Variants in OSBPL9 observed in about 807,000 individuals in gnomAD.
OSBPL9 encodes the protein oxysterol-binding protein-related protein 9.
OSBPL9 carries 40 observed loss-of-function variants against 106.6 expected under a neutral mutation model. The ratio of observed to expected loss-of-function variants is 0.38; its 90% CI spans 0.29 to 0.49. OSBPL9 has a LOEUF of 0.49. Ranked by LOEUF, OSBPL9 falls within the 20% of genes least tolerant of loss-of-function variation. OSBPL9 has a pLI of 0.97. For missense variants in OSBPL9, 609 were observed against 887.2 expected (o/e 0.69, Z 3.98); for synonymous variants, 269 against 295.4 (o/e 0.91, Z 0.92).
rs1672460352 is a variant in OSBPL9, at chr1:51,765,903, C to T, written c.860C>T (p.Ser287Phe). 6.2e-7 allele frequency: 1 copy of T among 1,614,086 alleles called. No homozygotes were observed. Among genetic ancestry groups the T allele is most frequent in the Non-Finnish European group, 8.5e-7 (1 of 1,179,984 alleles). Residue 287 changes from serine (S) to phenylalanine (F), a missense_variant, in exon 12 of 24, where the codon TCT (serine) becomes TTT (phenylalanine). This residue lies in a region of OSBPL9 where 356 missense variants were observed against 505.8 expected (regional missense o/e 0.70). Coordinates refer to ENST00000428468, the MANE Select transcript of OSBPL9 (RefSeq NM_024586.6). The part of the protein sequence containing the change: ...NLSPNTVPEF[S>F]YSSSEDEFYD... Reference sequence around the variant, plus strand: ...TCTCCAAATACAGTCCCAGAGTTCTCTTACTCCAGCAGTGAAGATGAATTT... The same window carrying T: ...TCTCCAAATACAGTCCCAGAGTTCTTTTACTCCAGCAGTGAAGATGAATTT...
In OSBPL9 at chr1:51,676,746, A is replaced by G. The variant is rs368946376; in HGVS notation, c.241+7234A>G. The stretch of plus-strand genomic sequence containing the variant: ...ATTTGTTAATTGGCTAGTTCAAACC[A>G]TTCCACAATGTATGTATACTTCAAA... On this transcript the variant is annotated intron_variant, in intron 3 of 23. Coordinates refer to ENST00000428468, the MANE Select transcript of OSBPL9 (RefSeq NM_024586.6). 5.9e-5 allele frequency among the ~76,000 whole-genome samples: 9 copies of G among 152,300 alleles called. No homozygotes were observed. In the South Asian group the frequency reaches 1.9e-3, roughly 32 times the overall value.
intron 1 of OSBPL9, among the ~76,000 whole-genome samples, chr1:51,625,877 A>G (rs773267439): frequency 2.0e-5 from 3 of 152,214 alleles, no homozygotes; most frequent in Non-Finnish European, 2.9e-5. Flanking sequence ...TACATGTTAC[A>G]TGGGATGATA....
intron 1 of OSBPL9, among the ~76,000 whole-genome samples, chr1:51,646,990 A>G (rs1225738912): frequency 6.6e-6 from 1 of 152,082 alleles, no homozygotes; most frequent in African/African-American, 2.4e-5. Flanking sequence ...AAGATAAGAC[A>G]TTTTTGTCTT....
chr1:51,542,090 G>A, the OSBPL9 span, among the ~76,000 whole-genome samples: 3 of 152,056 alleles, frequency 2.0e-5, no homozygotes, highest in East Asian at 1.9e-4. Flanking sequence ...GTTTCACCAC[G>A]TTGCCCAGGC....
intron 1 of OSBPL9, among the ~76,000 whole-genome samples, chr1:51,622,235 G>C (rs1167840147): frequency 1.3e-5 from 2 of 152,148 alleles, no homozygotes; most frequent in African/African-American, 4.8e-5. Flanking sequence ...ATAAAGATGT[G>C]TTACAGTCTG....
chr1:51,530,023 T>G, the OSBPL9 span, among the ~76,000 whole-genome samples: 22 of 151,164 alleles, frequency 1.5e-4, no homozygotes, highest in Non-Finnish European at 2.8e-4. Flanking sequence ...ACAGAAAAAT[T>G]AGCCAGGTGT....
rs189473854 is a variant in OSBPL9, at chr1:51,689,786, A to G, written c.241+20274A>G. ...TATAAAACAGCACTTCATTTACCCA[A>G]TTAGCCAAATTTGAAGCCTTCTGTT... is the stretch of plus-strand genomic sequence containing the variant. On this transcript the variant is annotated intron_variant, in intron 3 of 23. Coordinates refer to ENST00000428468, the MANE Select transcript of OSBPL9 (RefSeq NM_024586.6). Among the ~76,000 whole-genome samples the G allele has an allele frequency of 1.1e-4, 17 of 152,240 alleles. No homozygotes were observed. The East Asian group carries it at 2.3e-3, about 21-fold the overall frequency.
intron 4 of OSBPL9, among the ~76,000 whole-genome samples, chr1:51,718,298 AG>A (rs796265187): frequency 3.0e-4 from 46 of 152,300 alleles, no homozygotes; most frequent in African/African-American, 1.1e-3. Context: ...ATAACACAAC[AG>A]GGTGACTATA....
intron 9 of OSBPL9, among the ~76,000 whole-genome samples, chr1:51,757,973 T>C (rs1316898145): frequency 2.0e-5 from 3 of 152,132 alleles, no homozygotes; most frequent in African/African-American, 7.2e-5. Context: ...TCAAAACAGA[T>C]TAGGGCTGAG....
At chr1:51,537,280 C>T in the OSBPL9 span, among the ~76,000 whole-genome samples, 1 of 152,170 alleles carries the variant, frequency 6.6e-6, no homozygotes, top group Non-Finnish European at 1.5e-5. Context: ...TTCAAACTAG[C>T]TCCTGTGTCC....
chr1:51,654,194 G>A (rs1309710927), intron 2 of OSBPL9, among the ~76,000 whole-genome samples: 1 of 152,180 alleles, frequency 6.6e-6, no homozygotes, highest in Non-Finnish European at 1.5e-5. Context: ...TGGCAAGACT[G>A]TAGGTGGTGG....
In OSBPL9 at chr1:51,788,935, T is replaced by C. The variant is rs114768126; in HGVS notation, c.*1146T>C. Among the ~76,000 whole-genome samples the C allele has an allele frequency of 0.012, 1,896 of 152,262 alleles. 38 individuals are homozygous for C. The highest frequency in any genetic ancestry group is 0.044 in the African/African-American group (1,835 of 41,530). On this transcript the variant is annotated 3_prime_UTR_variant, in exon 24 of 24. Transcript: ENST00000428468. ...TTAGTTAGTTATTCAATATACTGGT[T>C]ACGTAAGGCCTTTCAAGAAGTAGAT... is the stretch of plus-strand genomic sequence containing the variant.
rs146808732 is a variant in OSBPL9 at position 51,724,279 on chromosome 1, C to T, written c.318+10200C>T. 3.9e-3 allele frequency among the ~76,000 whole-genome samples: 595 copies of T among 152,034 alleles called. 5 individuals carry two copies. The highest frequency in any genetic ancestry group is 0.01 in the Admixed American group (157 of 15,262). ...TACTTTAAAGAAATATTTCATTCCA[C>T]TTTTCTTTTTTTTCTTCTTTTTGAG... On this transcript the variant is annotated intron_variant, in intron 4 of 23. Transcript: ENST00000428468.
At chr1:51,669,606 C>A in intron 3 of OSBPL9, 94 bp downstream of exon 3, 2 of 1,174,046 alleles carry the variant, frequency 1.7e-6, no homozygotes, top group Non-Finnish European at 2.5e-6. Context: ...AATGGTTTTG[C>A]AACTGATCCT....
At chr1:51,755,558 T>C (rs1670160714) in intron 8 of OSBPL9, among the ~76,000 whole-genome samples, 1 of 152,202 alleles carries the variant, frequency 6.6e-6, no homozygotes, top group Non-Finnish European at 1.5e-5. Flanking sequence ...CTCACTATAC[T>C]GGGCAGTGGC....
chr1:51,574,283 G>T (rs561832391), upstream of OSBPL9, among the ~76,000 whole-genome samples: 33 of 152,218 alleles, frequency 2.2e-4, no homozygotes, highest in Admixed American at 1.8e-3. Flanking sequence ...CCTCCTCCAT[G>T]ACAATTAAGA....
intron 4 of OSBPL9, among the ~76,000 whole-genome samples, chr1:51,736,277 T>C (rs1239661145): frequency 6.6e-6 from 1 of 152,194 alleles, no homozygotes; most frequent in Admixed American, 6.5e-5. Context: ...GAAAACCGAA[T>C]CTGTTTTCTT....
At chr1:51,728,895 A>G (rs1467926526) in intron 4 of OSBPL9, among the ~76,000 whole-genome samples, 2 of 152,152 alleles carry the variant, frequency 1.3e-5, no homozygotes, top group Non-Finnish European at 2.9e-5. Context: ...ACATAAAAGT[A>G]CAAAAGATAA....
At chr1:51,532,166 C>T in the OSBPL9 span, among the ~76,000 whole-genome samples, 1 of 152,072 alleles carries the variant, frequency 6.6e-6, no homozygotes, top group Non-Finnish European at 1.5e-5. Context: ...AAAGAGAGGA[C>T]TTGGAGTCAA....
Sources: gnomAD v4.1 joint callset for allele counts (sites outside exome capture counted in the v4.1 genomes callset) on GRCh38, gnomAD v4.1.1 for gene constraint, gnomAD v4.1.1 regional missense constraint, MANE v1.5 for transcripts, NCBI Gene and HGNC (gene_info 2026-07-23, HGNC 2026-07-21) for gene names.